ADAMTS6: variants seen among roughly 807,000 people sequenced by gnomAD.
ADAMTS6 encodes A disintegrin and metalloproteinase with thrombospondin motifs 6.
A neutral mutation model predicts 144.3 loss-of-function variants in ADAMTS6; 23 were observed. The observed-to-expected ratio is 0.16, with a 90% CI of 0.11 to 0.23. ADAMTS6 has a LOEUF of 0.23. Ranked by LOEUF, ADAMTS6 falls within the 10% of genes least tolerant of loss-of-function variation. The pLI is 1.00. For missense variants in ADAMTS6, 999 were observed against 1,379.6 expected, an observed-to-expected ratio of 0.72 and a Z score of 4.37; for synonymous variants, 444 against 457.5, an observed-to-expected ratio of 0.97 and a Z score of 0.38.
intron 7 of ADAMTS6, among the ~76,000 whole-genome samples, chr5:65,447,498 A>C (rs1758359163): frequency 6.6e-6 from 1 of 152,136 alleles, no homozygotes. Context: ...AAACAACAAA[A>C]TACAAAAGCT....
rs561896483 is a variant in ADAMTS6 at position 65,443,204 on chromosome 5, C to T, written c.1073+8271G>A. ...CTTTGGGTATATACCCAGGCCACAC[C>T]GTCTTCCACAATGCTTGAAATAGAA... On this transcript the variant is annotated intron_variant, in intron 7 of 24. Coordinates refer to ENST00000381055, the MANE Select transcript of ADAMTS6 (RefSeq NM_197941.4). Among the ~76,000 whole-genome samples the T allele has an allele frequency of 9.2e-5, 14 of 152,166 alleles. No homozygotes were observed. In the East Asian group the frequency reaches 1.7e-3, roughly 19 times the overall value.
intron 7 of ADAMTS6, among the ~76,000 whole-genome samples, chr5:65,341,910 T>C (rs1438245579): frequency 6.6e-6 from 1 of 151,996 alleles, no homozygotes; most frequent in African/African-American, 2.4e-5. Flanking sequence ...CAGGCCAATA[T>C]CCCTGATAAA....
In ADAMTS6 at chr5:65,449,679, A is replaced by G. The variant is rs116640682; in HGVS notation, c.1073+1796T>C. 8.1e-3 allele frequency among the ~76,000 whole-genome samples: 1,235 copies of G among 152,246 alleles called. 18 individuals carry two copies. The highest frequency in any genetic ancestry group is 0.029 in the African/African-American group (1,188 of 41,558). The stretch of plus-strand genomic sequence containing the variant: ...AATAAAAATTTATGTTTAAATCTCA[A>G]ACATCAAAAAGGCACTCGAAGTAGC... On this transcript the variant is annotated intron_variant, in intron 7 of 24. Coordinates refer to ENST00000381055, the MANE Select transcript of ADAMTS6 (RefSeq NM_197941.4).
intron 20 of ADAMTS6, chr5:65,210,848 C>T (rs1418863614): frequency 1.1e-5 from 4 of 369,386 alleles, no homozygotes; most frequent in Non-Finnish European, 2.0e-5. Flanking sequence ...TATAAGAAAG[C>T]TCTTGCTGCC....
Position 65,431,937 on chromosome 5 carries a change from G to A in ADAMTS6, c.1073+19538C>T, listed in dbSNP as rs143789523. ...AACTATAGATGGTACTTAAAACCACGAAAATGAATGAGATCACTAAAACTG... is the reference window on the plus strand; with the variant it reads ...AACTATAGATGGTACTTAAAACCACAAAAATGAATGAGATCACTAAAACTG... On this transcript the variant is annotated intron_variant, in intron 7 of 24. Coordinates refer to ENST00000381055, the MANE Select transcript of ADAMTS6 (RefSeq NM_197941.4). 2.1e-3 allele frequency among the ~76,000 whole-genome samples: 321 copies of A among 152,080 alleles called. 1 individual carries two copies. Among genetic ancestry groups the A allele is most frequent in the Non-Finnish European group, 3.8e-3 (257 of 67,896 alleles).
chr5:65,412,964 A>G (rs192544822), intron 7 of ADAMTS6, among the ~76,000 whole-genome samples: 3 of 152,324 alleles, frequency 2.0e-5, no homozygotes, highest in Admixed American at 2.0e-4. Context: ...TCTTATGAAT[A>G]TCAAGATTTA....
At chr5:65,360,814 T>C (rs993677282) in intron 7 of ADAMTS6, among the ~76,000 whole-genome samples, 1 of 152,104 alleles carries the variant, frequency 6.6e-6, no homozygotes, top group Non-Finnish European at 1.5e-5. Context: ...AGAAGCAAAA[T>C]ATGTTCTTAA....
intron 7 of ADAMTS6, among the ~76,000 whole-genome samples, chr5:65,441,689 C>G (rs767779947): frequency 1.6e-4 from 25 of 151,914 alleles, no homozygotes; most frequent in Admixed American, 6.6e-5. Context: ...TAAAGCAAGT[C>G]TCAATAAACT....
chr5:65,308,206 A>G (rs1042494434), intron 9 of ADAMTS6, among the ~76,000 whole-genome samples: 1 of 152,184 alleles, frequency 6.6e-6, no homozygotes, highest in Non-Finnish European at 1.5e-5. Context: ...ATAGGAACAC[A>G]TGGTTGCTTT....
chr5:65,241,669 A>G (rs1759198367), intron 15 of ADAMTS6, among the ~76,000 whole-genome samples: 1 of 152,194 alleles, frequency 6.6e-6, no homozygotes, highest in Admixed American at 6.5e-5. Context: ...AATAACAATA[A>G]TCTTGGCCTT....
intron 7 of ADAMTS6, among the ~76,000 whole-genome samples, chr5:65,436,783 A>G (rs1040037885): frequency 6.6e-6 from 1 of 151,888 alleles, no homozygotes; most frequent in African/African-American, 2.4e-5. Flanking sequence ...GCTTGAACCC[A>G]GGAGACGGAG....
intron 9 of ADAMTS6, among the ~76,000 whole-genome samples, chr5:65,309,387 C>T (rs1022368424): frequency 2.4e-4 from 36 of 149,292 alleles, no homozygotes; most frequent in Non-Finnish European, 2.2e-4. Flanking sequence ...AAAGGGCTCT[C>T]GCTCCTATGA....
intron 7 of ADAMTS6, among the ~76,000 whole-genome samples, chr5:65,341,331 T>G (rs1216878282): frequency 6.6e-6 from 1 of 151,562 alleles, no homozygotes; most frequent in East Asian, 1.9e-4. Context: ...AACCCCAAAT[T>G]TGTAGAAGAA....
chr5:65,159,676 A>G (rs550836132), intron 24 of ADAMTS6, among the ~76,000 whole-genome samples: 1 of 152,292 alleles, frequency 6.6e-6, no homozygotes, highest in African/African-American at 2.4e-5. Context: ...CATATTGTCA[A>G]AATTATTTGT....
chr5:65,259,304 C>T (rs1760960807), intron 14 of ADAMTS6, among the ~76,000 whole-genome samples: 2 of 151,968 alleles, frequency 1.3e-5, no homozygotes, highest in Non-Finnish European at 2.9e-5. Flanking sequence ...ATCCAGGAGA[C>T]AGAGGTTACA....
intron 9 of ADAMTS6, among the ~76,000 whole-genome samples, chr5:65,312,369 T>C (rs988951151): frequency 6.6e-6 from 1 of 152,066 alleles, no homozygotes; most frequent in Non-Finnish European, 1.5e-5. Context: ...AGCTTGACTA[T>C]GAATCACTTG....
intron 2 of ADAMTS6, among the ~76,000 whole-genome samples, chr5:65,471,701 T>G (rs1310074092): frequency 1.3e-5 from 2 of 151,568 alleles, no homozygotes; most frequent in Non-Finnish European, 2.9e-5. Context: ...GTGGTTGCAG[T>G]GAGCCGAGAT....
In ADAMTS6 at chr5:65,460,204, T is replaced by C. The variant is rs758775841; in HGVS notation, c.597A>G (p.Arg199=). The C allele has an allele frequency of 3.1e-6, 5 of 1,614,086 alleles. No homozygotes were observed. The South Asian group carries it at 3.3e-5, about 11-fold the overall frequency. ...VIYKKSALQQ[R]HLYDHSHCGV... Reference sequence around the variant, plus strand: ...CACAATGAGAGTGATCATACAGATGTCGTTGTTGAAGGGCAGACTTTTTGT... The same window carrying C: ...CACAATGAGAGTGATCATACAGATGCCGTTGTTGAAGGGCAGACTTTTTGT... The change falls in exon 4 of 25, where the codon CGA becomes CGG. Residue 199 remains arginine (R), a synonymous_variant. Transcript: ENST00000381055.
intron 1 of ADAMTS6, among the ~76,000 whole-genome samples, chr5:65,475,751 A>G (rs1760803267): frequency 6.6e-6 from 1 of 152,246 alleles, no homozygotes; most frequent in South Asian, 2.1e-4. Context: ...TATTAGTAAT[A>G]ATAGCAATAG....
Sources: gnomAD v4.1 joint callset for allele counts (sites outside exome capture counted in the v4.1 genomes callset) on GRCh38, gnomAD v4.1.1 for gene constraint, MANE v1.5 for transcripts, NCBI Gene and HGNC (gene_info 2026-07-23, HGNC 2026-07-21) for gene names.